The following SCLT1 variants were observed in gnomAD, a reference collection of about 807,000 sequenced individuals.
The protein encoded by SCLT1 is sodium channel and clathrin linker 1, also known as sodium channel-associated protein 1.
In SCLT1, 78 loss-of-function variants were observed where a neutral mutation model predicts 112.8. That is an observed-to-expected ratio of 0.69 (90% confidence interval 0.58 to 0.83). The LOEUF is 0.83. SCLT1 is among the 40% of genes least tolerant of loss of function. The pLI is 0.00. For synonymous variants in SCLT1, 257 were observed against 254.7 expected, an observed-to-expected ratio of 1.01 and a Z score of -0.09; for missense variants, 747 against 770.4, an observed-to-expected ratio of 0.97 and a Z score of 0.36.
intron 18 of SCLT1, among the ~76,000 whole-genome samples, chr4:128,909,994 T>A (rs1388853027): frequency 2.6e-5 from 4 of 152,164 alleles, no homozygotes; most frequent in African/African-American, 9.6e-5. Context: ...AAAAATTTGA[T>A]GGCAGAGAAA....
chr4:128,898,092 C>T (rs1733937576), intron 18 of SCLT1, among the ~76,000 whole-genome samples: 1 of 152,156 alleles, frequency 6.6e-6, no homozygotes. Flanking sequence ...TAACACCCCA[C>T]TGTCAACATT....
intron 6 of SCLT1, among the ~76,000 whole-genome samples, chr4:129,001,169 C>T (rs529979775): frequency 1.3e-5 from 2 of 152,010 alleles, no homozygotes; most frequent in South Asian, 4.2e-4. Flanking sequence ...ACTGTTTCTC[C>T]AGACCTGTCT....
At chr4:128,905,343 T>C (rs1397530694) in intron 18 of SCLT1, among the ~76,000 whole-genome samples, 1 of 152,154 alleles carries the variant, frequency 6.6e-6, no homozygotes, top group African/African-American at 2.4e-5. Context: ...CCACTGAAGA[T>C]AACCCTATTC....
chr4:128,946,017 GT>G lies in SCLT1; in HGVS notation c.1428del (p.Gln476HisfsTer16). 3 of 1,601,740 alleles carry G rather than the reference GT, an allele frequency of 1.9e-6. No homozygotes were observed. Among genetic ancestry groups the G allele is most frequent in the Non-Finnish European group, 2.6e-6 (3 of 1,172,720 alleles). ...RLTRAENRIK[Q>X]LETDSSEEIS... The stretch of plus-strand genomic sequence containing the variant: ...AAAAGAAAAACTTACTCAGTTTCAA[GT>G]TGTTTTATTCTATTTTCTGCTCTCG... On this transcript the variant is annotated frameshift_variant, in exon 16 of 21. Coordinates refer to ENST00000281142, the MANE Select transcript of SCLT1 (RefSeq NM_144643.4). LOFTEE classifies it high-confidence loss of function.
intron 12 of SCLT1, among the ~76,000 whole-genome samples, chr4:128,959,282 T>C (rs542084599): frequency 6.6e-6 from 1 of 152,056 alleles, no homozygotes; most frequent in East Asian, 1.9e-4. Context: ...GAATAAAATA[T>C]AGGGTATACT....
chr4:129,078,064 G>A (rs1318260449), intron 2 of SCLT1, among the ~76,000 whole-genome samples: 1 of 152,216 alleles, frequency 6.6e-6, no homozygotes, highest in East Asian at 1.9e-4. Flanking sequence ...GTAACAGTAT[G>A]TTACCACTAA....
At chr4:129,015,266 A>G (rs1475827966) in intron 5 of SCLT1, among the ~76,000 whole-genome samples, 1 of 152,026 alleles carries the variant, frequency 6.6e-6, no homozygotes, top group Non-Finnish European at 1.5e-5. Context: ...GGGTGGCTGC[A>G]GTGTGTGGAG....
chr4:129,087,860 A>G (rs1396838283), intron 1 of SCLT1, among the ~76,000 whole-genome samples: 2 of 151,812 alleles, frequency 1.3e-5, no homozygotes, highest in Non-Finnish European at 2.9e-5. Flanking sequence ...GGGAGGCAAG[A>G]GGATCACTTG....
intron 5 of SCLT1, among the ~76,000 whole-genome samples, chr4:129,035,026 A>G (rs186317929): frequency 1.3e-5 from 2 of 152,278 alleles, no homozygotes; most frequent in African/African-American, 2.4e-5. Flanking sequence ...TCACTAATGT[A>G]TCTCAAAGCC....
At chr4:128,950,388 G>A (rs905596278) in intron 14 of SCLT1, among the ~76,000 whole-genome samples, 1 of 152,086 alleles carries the variant, frequency 6.6e-6, no homozygotes, top group East Asian at 1.9e-4. Context: ...GGTAAAAAAG[G>A]TAAAATGAGA....
chr4:128,906,132 C>T (rs1734673692), intron 18 of SCLT1, among the ~76,000 whole-genome samples: 1 of 152,158 alleles, frequency 6.6e-6, no homozygotes, highest in Non-Finnish European at 1.5e-5. Flanking sequence ...TATCTTACAT[C>T]TTGCCTTTTC....
chr4:129,056,026 T>C (rs759714722), intron 2 of SCLT1, among the ~76,000 whole-genome samples: 130 of 152,120 alleles, frequency 8.5e-4, no homozygotes, highest in Non-Finnish European at 1.4e-3. Flanking sequence ...ATGGCTTCCC[T>C]TGGCTGTGGG....
At position 129,087,184 on chromosome 4, in the gene SCLT1, A is replaced by G. The variant is rs576009415; in HGVS notation, c.35-4811T>C. On this transcript the variant is annotated intron_variant, in intron 1 of 20. Transcript: ENST00000281142. Reference sequence around the variant, plus strand: ...GAATTGGCAGGACAAAGGATAGAAGACTGCACAGAGAAAGAACCCTAGGGA... The same window carrying G: ...GAATTGGCAGGACAAAGGATAGAAGGCTGCACAGAGAAAGAACCCTAGGGA... Among the ~76,000 whole-genome samples the G allele has an allele frequency of 1.3e-3, 194 of 152,176 alleles. 1 individual carries two copies. The highest frequency in any genetic ancestry group is 2.1e-3 in the Non-Finnish European group (142 of 67,984).
chr4:128,907,105 C>T (rs1734747609), intron 18 of SCLT1, among the ~76,000 whole-genome samples: 1 of 125,314 alleles, frequency 8.0e-6, no homozygotes, highest in Admixed American at 1.0e-4. Flanking sequence ...AGAAGTTCAG[C>T]ATGAATGAGA....
intron 9 of SCLT1, among the ~76,000 whole-genome samples, chr4:128,982,576 A>C (rs1278571336): frequency 6.6e-6 from 1 of 152,050 alleles, no homozygotes; most frequent in Non-Finnish European, 1.5e-5. Flanking sequence ...ATCTCAGGTC[A>C]CTGCAACCTC....
chr4:129,092,548 C>T (rs1579994552), intron 1 of SCLT1, among the ~76,000 whole-genome samples: 2 of 152,214 alleles, frequency 1.3e-5, no homozygotes, highest in East Asian at 3.9e-4. Context: ...TTAATCTTTC[C>T]AACAACCCTA....
chr4:128,928,451 A>G (rs1223990060), intron 18 of SCLT1, among the ~76,000 whole-genome samples: 1 of 152,202 alleles, frequency 6.6e-6, no homozygotes, highest in African/African-American at 2.4e-5. Flanking sequence ...AATTTGGTAC[A>G]CTAGCAAAAT....
intron 2 of SCLT1, among the ~76,000 whole-genome samples, chr4:129,057,501 T>C (rs971250328): frequency 6.6e-6 from 1 of 151,242 alleles, no homozygotes; most frequent in Admixed American, 6.6e-5. Context: ...GAATTAATAT[T>C]ATTCTTTAAA....
chr4:129,028,988 C>A (rs955715513), intron 5 of SCLT1, among the ~76,000 whole-genome samples: 12 of 152,190 alleles, frequency 7.9e-5, no homozygotes, highest in African/African-American at 9.7e-5. Flanking sequence ...TACCATCTCA[C>A]ACCAGTTAGA....
Sources: gnomAD v4.1 joint callset for allele counts (sites outside exome capture counted in the v4.1 genomes callset) on GRCh38, gnomAD v4.1.1 for gene constraint, MANE v1.5 for transcripts, NCBI Gene and HGNC (gene_info 2026-07-23, HGNC 2026-07-21) for gene names.